The following ADGRA3 variants were observed in gnomAD, a reference collection of about 807,000 sequenced individuals.
The protein encoded by ADGRA3 is G-protein coupled receptor 125.
A neutral mutation model predicts 119.8 loss-of-function variants in ADGRA3; 56 were observed. The ratio of observed to expected loss-of-function variants is 0.47; its 90% CI spans 0.38 to 0.58. The LOEUF (loss-of-function observed/expected upper bound fraction) is 0.58. Among genes scored for constraint, ADGRA3 ranks in the 20% least tolerant of loss-of-function variants. The probability of loss-of-function intolerance (pLI) is 0.00; values close to 1 mark genes in which losing one functional copy is unlikely to be tolerated. For synonymous variants in ADGRA3, 607 were observed against 623.8 expected, an observed-to-expected ratio of 0.97 and a Z score of 0.40; for missense variants, 1,516 against 1,649.0, an observed-to-expected ratio of 0.92 and a Z score of 1.40.
Position 22,413,710 on chromosome 4 carries a change from G to T in ADGRA3, c.1914C>A (p.Leu638=). Residue 638 remains leucine (L), a synonymous_variant, in exon 13 of 19, where the codon CTC becomes CTA. Transcript: ENST00000334304. ...AAAGCTTTCCATTGCGGAATGCAAT[G>T]AGTTGAAGCTTGTAAAGAGAGTCAT... ...PTDDSLYKLQ[L]IAFRNGKLFP... 1 of 1,613,912 alleles carries T rather than the reference G, an allele frequency of 6.2e-7. No homozygotes were observed. The highest frequency in any genetic ancestry group is 8.5e-7 in the Non-Finnish European group (1 of 1,179,886).
At chr4:22,509,967 G>A (rs996001296) in intron 1 of ADGRA3, among the ~76,000 whole-genome samples, 6 of 132,902 alleles carry the variant, frequency 4.5e-5, no homozygotes, top group South Asian at 2.4e-4. Context: ...CCGAGATCGC[G>A]CCACTGCACT....
intron 10 of ADGRA3, among the ~76,000 whole-genome samples, chr4:22,427,345 G>A (rs538888038): frequency 2.2e-4 from 33 of 152,072 alleles, no homozygotes; most frequent in Middle Eastern, 3.4e-3. Context: ...CCTGACATGA[G>A]ATCTGATGGG....
intron 7 of ADGRA3, among the ~76,000 whole-genome samples, chr4:22,442,385 C>T (rs1716649225): frequency 6.6e-6 from 1 of 152,046 alleles, no homozygotes; most frequent in East Asian, 1.9e-4. Flanking sequence ...TAAAAGTTTA[C>T]ATTTTTCCTC....
chr4:22,416,590 G>A lies in ADGRA3; in HGVS notation c.1810-2776C>T, dbSNP rs917972230. Among the ~76,000 whole-genome samples the A allele has an allele frequency of 2.6e-5, 4 of 152,072 alleles. No homozygotes were observed. In the East Asian group the frequency reaches 5.8e-4, roughly 22 times the overall value. ...AAGCACAAAAGTCTAGGGAACTGTC[G>A]GTGGTATTTTTTACTGTTGTTACTG... On this transcript the variant is annotated intron_variant, in intron 12 of 18. Transcript: ENST00000334304.
intron 1 of ADGRA3, among the ~76,000 whole-genome samples, chr4:22,498,482 G>C (rs57453276): frequency 0.17 from 24,897 of 149,592 alleles, 2,194 homozygotes; most frequent in East Asian, 0.37. Flanking sequence ...GCAGGGCATG[G>C]TGGCGGGCGC....
At chr4:22,462,321 T>TGTTGTC (rs906665987) in intron 2 of ADGRA3, among the ~76,000 whole-genome samples, 3 of 152,108 alleles carry the variant, frequency 2.0e-5, no homozygotes, top group Non-Finnish European at 2.9e-5. Context: ...TTGTTGTTGT[T>TGTTGTC]GTTGTCATTT....
intron 1 of ADGRA3, among the ~76,000 whole-genome samples, chr4:22,499,725 T>C (rs1019888224): frequency 1.3e-5 from 2 of 152,186 alleles, no homozygotes; most frequent in Non-Finnish European, 2.9e-5. Flanking sequence ...AGAAAGACCG[T>C]ATAATAAATG....
At chr4:22,437,980 G>A (rs1716462171) in intron 8 of ADGRA3, among the ~76,000 whole-genome samples, 1 of 152,140 alleles carries the variant, frequency 6.6e-6, no homozygotes, top group African/African-American at 2.4e-5. Flanking sequence ...TATCTCCAAT[G>A]TTTCCCTAAG....
rs749081755 is a variant in ADGRA3 at position 22,388,984 on chromosome 4, T to C, written c.2724-37A>G. The stretch of plus-strand genomic sequence containing the variant: ...AATGGTAAACCAGATCGATGCTACA[T>C]GTTTCAACAAATTATCTACGAAATT... On this transcript the variant is annotated intron_variant, in intron 18 of 18. Transcript: ENST00000334304. 3.7e-6 allele frequency: 6 copies of C among 1,605,896 alleles called. No homozygotes were observed. The East Asian group carries it at 1.1e-4, about 30-fold the overall frequency.
At chr4:22,421,503 G>A (rs1690354172) in intron 11 of ADGRA3, among the ~76,000 whole-genome samples, 1 of 152,104 alleles carries the variant, frequency 6.6e-6, no homozygotes, top group Non-Finnish European at 1.5e-5. Flanking sequence ...ATATTAGTTT[G>A]GGAAATGCAC....
intron 1 of ADGRA3, among the ~76,000 whole-genome samples, chr4:22,496,540 G>A (rs1371093705): frequency 1.3e-5 from 2 of 152,076 alleles, no homozygotes; most frequent in East Asian, 3.8e-4. Flanking sequence ...AATACAGTCC[G>A]TGGTCCAAAT....
In ADGRA3 at chr4:22,402,932, A is replaced by G. The variant is rs16872620; in HGVS notation, c.2233-133T>C. On this transcript the variant is annotated intron_variant, in intron 14 of 18. Transcript: ENST00000334304. ...TATGTCTCTTTATTTTATTCAGACTAATGTTTCACGCTATTTTCCTAACAT... is the reference window on the plus strand; with the variant it reads ...TATGTCTCTTTATTTTATTCAGACTGATGTTTCACGCTATTTTCCTAACAT... 0.011 allele frequency: 8,459 copies of G among 803,634 alleles called. 434 individuals are homozygous for G. The African/African-American group carries it at 0.12, about 12-fold the overall frequency. 49.8% of individuals were successfully genotyped at this position (803,634 alleles called of 1,614,324 possible). A position where few individuals can be genotyped will look rare whatever the true frequency, so the allele number is the denominator to read the frequency against.
chr4:22,493,704 C>T (rs1029660948), intron 1 of ADGRA3, among the ~76,000 whole-genome samples: 7 of 152,120 alleles, frequency 4.6e-5, no homozygotes, highest in African/African-American at 7.2e-5. Flanking sequence ...GTCAGAGGCA[C>T]GTGAACCAGA....
chr4:22,424,144 T>G, intron 11 of ADGRA3, 47 bp downstream of exon 11: 3 of 1,543,138 alleles, frequency 1.9e-6, no homozygotes, highest in Non-Finnish European at 2.6e-6. Flanking sequence ...GAGAGCTGTG[T>G]GAAATGCACT....
intron 3 of ADGRA3, among the ~76,000 whole-genome samples, chr4:22,458,427 T>G (rs1314814783): frequency 6.6e-6 from 1 of 152,194 alleles, no homozygotes; most frequent in Non-Finnish European, 1.5e-5. Flanking sequence ...AGCTAAACTC[T>G]AGCTACTGCT....
chr4:22,406,985 T>C (rs1214775751), intron 14 of ADGRA3, among the ~76,000 whole-genome samples: 1 of 152,082 alleles, frequency 6.6e-6, no homozygotes, highest in African/African-American at 2.4e-5. Flanking sequence ...TACAAAAGAA[T>C]ATAAGGCCGG....
At chr4:22,413,910 G>C (rs1715327213) in intron 12 of ADGRA3, 96 bp from the exon 13 acceptor site, 7 of 780,854 alleles carry the variant, frequency 9.0e-6, no homozygotes, top group Non-Finnish European at 1.2e-5. Flanking sequence ...GTATAATTAG[G>C]TTGACTTCAT....
intron 2 of ADGRA3, among the ~76,000 whole-genome samples, chr4:22,473,449 G>A (rs1207912976): frequency 2.0e-5 from 3 of 152,240 alleles, no homozygotes; most frequent in Non-Finnish European, 2.9e-5. Context: ...AGACATCCAC[G>A]TCGATTCATT....
rs1383712340 is a variant in ADGRA3 at position 22,403,566 on chromosome 4, C to G, written c.2233-767G>C. Among the ~76,000 whole-genome samples the G allele has an allele frequency of 3.3e-5, 5 of 151,822 alleles. No homozygotes were observed. The East Asian group carries it at 9.8e-4, about 30-fold the overall frequency. On this transcript the variant is annotated intron_variant, in intron 14 of 18. Coordinates refer to ENST00000334304, the MANE Select transcript of ADGRA3 (RefSeq NM_145290.4). ...CCTGGGCAACACAGGGAGTTTGCATCTCCACAAAAGATATATTTTAAAAAC... is the reference window on the plus strand; with the variant it reads ...CCTGGGCAACACAGGGAGTTTGCATGTCCACAAAAGATATATTTTAAAAAC...
Sources: gnomAD v4.1 joint callset for allele counts (sites outside exome capture counted in the v4.1 genomes callset) on GRCh38, gnomAD v4.1.1 for gene constraint, MANE v1.5 for transcripts, NCBI Gene and HGNC (gene_info 2026-07-23, HGNC 2026-07-21) for gene names.